Variants in LRP1B observed in about 807,000 individuals in gnomAD.
LRP1B encodes low-density lipoprotein receptor-related protein 1B.
Under a neutral mutation model 556.6 loss-of-function variants are expected in LRP1B, and 217 were observed. The observed-to-expected ratio is 0.39, with a 90% confidence interval of 0.35 to 0.44. LRP1B has a LOEUF of 0.44. Ranked by LOEUF, LRP1B falls within the 20% of genes least tolerant of loss-of-function variation. The probability of loss-of-function intolerance (pLI) is 1.00; values close to 1 mark genes in which losing one functional copy is unlikely to be tolerated. For synonymous variants in LRP1B, 2,047 were observed against 1,865.8 expected (o/e 1.10, Z -2.50); for missense variants, 5,053 against 5,620.8 (o/e 0.90, Z 3.23).
chr2:140,710,574 A>G (rs7421975), intron 37 of LRP1B, among the ~76,000 whole-genome samples: 89,813 of 151,826 alleles, frequency 0.59, 27,833 homozygotes, highest in Middle Eastern at 0.74. Flanking sequence ...AAAGATAAAT[A>G]TAATAAGAGA....
intron 2 of LRP1B, among the ~76,000 whole-genome samples, chr2:141,609,871 T>A (rs1454730766): frequency 6.6e-6 from 1 of 152,222 alleles, no homozygotes; most frequent in African/African-American, 2.4e-5. Context: ...AAAGAGTATA[T>A]GTTAAAAGTA....
intron 1 of LRP1B, among the ~76,000 whole-genome samples, chr2:141,845,131 A>G (rs1697600120): frequency 6.6e-6 from 1 of 151,770 alleles, no homozygotes. Context: ...TTTCAGGAAA[A>G]AAAAAATTCA....
rs1175415899 is a variant in LRP1B, at chr2:140,272,249, GCACACACAAA to G, written c.13143-1913_13143-1904del. On this transcript the variant is annotated intron_variant, in intron 85 of 90. Transcript: ENST00000389484. ...TTTTTTAGAGGCATTCAGCGTATGT[GCACACACAAA>G]CACACACACACACACACACACACAC... 6.9e-4 allele frequency among the ~76,000 whole-genome samples: 50 copies of G among 72,826 alleles called. 1 individual carries two copies. In the South Asian group the frequency reaches 0.029, roughly 42 times the overall value. The allele number at this position is 72,826 out of a possible 152,430, so 47.8% of individuals were successfully genotyped here. A position where few individuals can be genotyped will look rare whatever the true frequency, so the allele number is the denominator to read the frequency against.
intron 3 of LRP1B, among the ~76,000 whole-genome samples, chr2:141,435,012 G>A (rs537923679): frequency 6.6e-6 from 1 of 152,208 alleles, no homozygotes; most frequent in South Asian, 2.1e-4. Flanking sequence ...CCATAGATCA[G>A]GGAGTGTTTT....
At chr2:141,890,407 A>ATG (rs1490810503) in intron 1 of LRP1B, among the ~76,000 whole-genome samples, 2 of 133,742 alleles carry the variant, frequency 1.5e-5, no homozygotes, top group Non-Finnish European at 3.0e-5. Flanking sequence ...ATATATATAT[A>ATG]TACTGAATTG....
chr2:141,495,730 C>T (rs527580510), intron 2 of LRP1B, among the ~76,000 whole-genome samples: 118 of 152,124 alleles, frequency 7.8e-4, no homozygotes, highest in African/African-American at 2.8e-3. Context: ...CATGCACACA[C>T]ACACATACAC....
intron 87 of LRP1B, among the ~76,000 whole-genome samples, chr2:140,240,428 C>G (rs1007721742): frequency 1.3e-5 from 2 of 150,594 alleles, no homozygotes; most frequent in Non-Finnish European, 3.0e-5. Context: ...TATGTATATA[C>G]TAGATTAGCA....
chr2:140,371,143 G>A (rs2105166496), intron 70 of LRP1B, 36 bp downstream of exon 70: 1 of 1,317,378 alleles, frequency 7.6e-7, no homozygotes. Flanking sequence ...CCTAATTCAT[G>A]TAATTCAAAT....
chr2:140,953,842 A>T (rs1695791246), intron 18 of LRP1B, among the ~76,000 whole-genome samples: 1 of 152,160 alleles, frequency 6.6e-6, no homozygotes, highest in African/African-American at 2.4e-5. Context: ...CTTAAGGAAA[A>T]ACAGGTCTTA....
intron 7 of LRP1B, among the ~76,000 whole-genome samples, chr2:141,169,234 C>A (rs991157195): frequency 6.6e-6 from 1 of 150,452 alleles, no homozygotes; most frequent in African/African-American, 2.4e-5. Context: ...TGCAGTGAGC[C>A]GAGATCATAC....
At chr2:140,294,092 A>G (rs1463328707) in intron 84 of LRP1B, among the ~76,000 whole-genome samples, 2 of 152,198 alleles carry the variant, frequency 1.3e-5, no homozygotes, top group Non-Finnish European at 2.9e-5. Context: ...TGCTATACAA[A>G]CTATGGCCAC....
chr2:140,795,293 A>G (rs1311062291), intron 32 of LRP1B, among the ~76,000 whole-genome samples: 1 of 152,180 alleles, frequency 6.6e-6, no homozygotes, highest in Non-Finnish European at 1.5e-5. Flanking sequence ...TCAGCACAAA[A>G]TAATCTCATC....
chr2:142,072,678 G>A (rs1174509087), intron 1 of LRP1B, among the ~76,000 whole-genome samples: 1 of 151,930 alleles, frequency 6.6e-6, no homozygotes, highest in Non-Finnish European at 1.5e-5. Flanking sequence ...GTGTGGCCCA[G>A]GGAAGCCAAA....
intron 3 of LRP1B, among the ~76,000 whole-genome samples, chr2:141,398,760 G>A (rs56143821): frequency 0.44 from 66,631 of 151,972 alleles, 16,421 homozygotes; most frequent in Non-Finnish European, 0.57. Context: ...CTGTCCAAAT[G>A]ACCCTGGTGG....
intron 1 of LRP1B, among the ~76,000 whole-genome samples, chr2:141,938,069 A>G (rs1322171338): frequency 6.6e-6 from 1 of 152,030 alleles, no homozygotes; most frequent in South Asian, 2.1e-4. Flanking sequence ...TTTTTATGCC[A>G]GTACCATACC....
At chr2:142,047,925 C>T (rs1704316787) in intron 1 of LRP1B, among the ~76,000 whole-genome samples, 1 of 152,016 alleles carries the variant, frequency 6.6e-6, no homozygotes, top group Admixed American at 6.6e-5. Context: ...TTATGCCAAA[C>T]TACTGAAATT....
intron 50 of LRP1B, 59 bp from the exon 51 acceptor site, chr2:140,514,831 G>A (rs1057275461): frequency 2.2e-5 from 31 of 1,440,118 alleles, no homozygotes; most frequent in Middle Eastern, 1.8e-4. Flanking sequence ...CAACAGATCC[G>A]ACAGTGAGAA....
intron 7 of LRP1B, among the ~76,000 whole-genome samples, chr2:141,092,269 C>T (rs1423722315): frequency 6.6e-6 from 1 of 152,122 alleles, no homozygotes; most frequent in Non-Finnish European, 1.5e-5. Flanking sequence ...GCCCATTGGA[C>T]ACTGTATATT....
chr2:141,742,410 C>T (rs1693746357), intron 2 of LRP1B, among the ~76,000 whole-genome samples: 1 of 151,956 alleles, frequency 6.6e-6, no homozygotes, highest in African/African-American at 2.4e-5. Context: ...TGACACCATG[C>T]CCCGCTAATT....
Sources: allele counts gnomAD v4.1 joint callset (sites outside exome capture counted in the v4.1 genomes callset), GRCh38; gene constraint gnomAD v4.1.1; transcripts MANE v1.5; gene names NCBI Gene and HGNC (gene_info 2026-07-23, HGNC 2026-07-21).